NEBL: variants seen among roughly 807,000 people sequenced by gnomAD.
NEBL encodes the protein nebulette.
NEBL carries 122 observed loss-of-function variants against 140.2 expected under a neutral mutation model. The ratio of observed to expected loss-of-function variants is 0.87; its 90% confidence interval spans 0.75 to 1.01. NEBL has a LOEUF of 1.01. Among genes scored for constraint, NEBL ranks in the 50% least tolerant of loss-of-function variants. The probability of loss-of-function intolerance (pLI) is 0.00; values close to 1 mark genes in which losing one functional copy is unlikely to be tolerated. For synonymous variants in NEBL, 436 were observed against 398.9 expected, an observed-to-expected ratio of 1.09 and a Z score of -1.11; for missense variants, 1,365 against 1,231.3, an observed-to-expected ratio of 1.11 and a Z score of -1.62.
At chr10:20,820,126 T>G (rs1407032688) in intron 19 of NEBL, among the ~76,000 whole-genome samples, 2 of 152,216 alleles carry the variant, frequency 1.3e-5, no homozygotes, top group Non-Finnish European at 2.9e-5. Flanking sequence ...AACAAAATCC[T>G]GTACCTGAAC....
chr10:20,981,774 A>T (rs1361886657), intron 3 of NEBL, among the ~76,000 whole-genome samples: 2 of 152,198 alleles, frequency 1.3e-5, no homozygotes. Flanking sequence ...CCTTGCGACC[A>T]TGAGGTAAGC....
intron 3 of NEBL, among the ~76,000 whole-genome samples, chr10:21,207,524 C>T (rs1000557194): frequency 6.6e-6 from 1 of 152,144 alleles, no homozygotes; most frequent in Non-Finnish European, 1.5e-5. Flanking sequence ...CACACACACA[C>T]AGCCTGTTGT....
intron 5 of NEBL, among the ~76,000 whole-genome samples, chr10:20,875,245 T>C (rs1311658177): frequency 6.6e-6 from 1 of 152,204 alleles, no homozygotes; most frequent in Non-Finnish European, 1.5e-5. Flanking sequence ...CCATGTCTTT[T>C]GCATGTTCCC....
chr10:21,022,030 TG>T (rs1010812502), intron 2 of NEBL, among the ~76,000 whole-genome samples: 1 of 152,178 alleles, frequency 6.6e-6, no homozygotes, highest in African/African-American at 2.4e-5. Flanking sequence ...ACTCCCCTGG[TG>T]GTGAGGAGAT....
Position 21,006,767 on chromosome 10 carries a change from G to A in NEBL, c.249+13350C>T, listed in dbSNP as rs1026487443. ...ACAAGAGGATTGGGATATTGTTTAC[G>A]ACATGATTTAATTTTGCCAAGGATA... On this transcript the variant is annotated intron_variant, in intron 3 of 6. Coordinates refer to the NEBL transcript ENST00000417816. Among the ~76,000 whole-genome samples, 4 of 152,168 alleles carry A rather than the reference G, an allele frequency of 2.6e-5. No homozygotes were observed. The East Asian group carries it at 5.8e-4, about 22-fold the overall frequency.
chr10:21,006,015 A>C (rs1046499901), intron 3 of NEBL, among the ~76,000 whole-genome samples: 2 of 152,154 alleles, frequency 1.3e-5, no homozygotes, highest in Non-Finnish European at 1.5e-5. Flanking sequence ...GCAGGCACAC[A>C]CAGAGGGTTT....
intron 3 of NEBL, among the ~76,000 whole-genome samples, chr10:20,980,141 T>C (rs2131661392): frequency 6.6e-6 from 1 of 152,120 alleles, no homozygotes; most frequent in Non-Finnish European, 1.5e-5. Flanking sequence ...TCAATTTAAA[T>C]GGCTTAACTT....
intron 7 of NEBL, among the ~76,000 whole-genome samples, chr10:20,866,031 C>T (rs1026703704): frequency 2.6e-5 from 4 of 152,130 alleles, no homozygotes; most frequent in African/African-American, 9.7e-5. Context: ...GTGTTTTCTT[C>T]ACAATCAATC....
Position 20,839,245 on chromosome 10 carries a change from A to G in NEBL, c.1338+1494T>C, listed in dbSNP as rs539327358. On this transcript the variant is annotated intron_variant, in intron 13 of 27. Coordinates refer to ENST00000377122, the MANE Select transcript of NEBL (RefSeq NM_006393.3). ...CATCTGTCTGTACTTTGCCATTGAG[A>G]GAATAAAACAACTTTTACACATGCT... Among the ~76,000 whole-genome samples, 3 of 152,314 alleles carry G rather than the reference A, an allele frequency of 2.0e-5. No homozygotes were observed. The South Asian group carries it at 6.2e-4, about 32-fold the overall frequency.
chr10:21,113,304 A>AAAAAAAAAAAAAAAAAAC (rs1838128878), intron 2 of NEBL: 28 of 337,062 alleles, frequency 8.3e-5, no homozygotes, highest in South Asian at 7.4e-4. Flanking sequence ...AAAAAAAAAA[A>AAAAAAAAAAAAAAAAAAC]AACCAGGAAA....
intron 9 of NEBL, among the ~76,000 whole-genome samples, chr10:20,857,430 G>A (rs1161342339): frequency 6.6e-6 from 1 of 152,054 alleles, no homozygotes; most frequent in African/African-American, 2.4e-5. Flanking sequence ...ATCTATGCCT[G>A]GCCCAAAGCA....
intron 2 of NEBL, among the ~76,000 whole-genome samples, chr10:21,061,181 CAT>C (rs1339650082): frequency 1.3e-5 from 2 of 150,230 alleles, no homozygotes; most frequent in African/African-American, 4.9e-5. Flanking sequence ...TTATATATAT[CAT>C]ATGATGTATT....
intron 8 of NEBL, among the ~76,000 whole-genome samples, chr10:20,859,018 T>G (rs751231846): frequency 1.1e-4 from 17 of 152,260 alleles, no homozygotes; most frequent in Non-Finnish European, 2.1e-4. Context: ...CTATGTTCCA[T>G]GTTCCTTTAA....
intron 4 of NEBL, among the ~76,000 whole-genome samples, chr10:20,925,375 C>T (rs1356375688): frequency 1.3e-5 from 2 of 152,072 alleles, no homozygotes; most frequent in Admixed American, 1.3e-4. Flanking sequence ...TACTCTGAAA[C>T]AGCAAAAGTT....
exon 1 of NEBL, chr10:21,174,083 T>C: frequency 1.9e-6 from 2 of 1,035,000 alleles, no homozygotes; most frequent in Non-Finnish European, 2.3e-6. Flanking sequence ...TCCGCGCCGC[T>C]GGCTCTGCGT....
intron 7 of NEBL, among the ~76,000 whole-genome samples, chr10:20,860,972 T>A (rs139279276): frequency 3.3e-5 from 5 of 152,332 alleles, no homozygotes; most frequent in Non-Finnish European, 7.3e-5. Flanking sequence ...CTGGTTCCAT[T>A]TGATAATAAA....
chr10:21,108,718 G>T (rs1837832848), intron 2 of NEBL, among the ~76,000 whole-genome samples: 1 of 152,176 alleles, frequency 6.6e-6, no homozygotes, highest in Admixed American at 6.5e-5. Context: ...GGATATCCTT[G>T]TTAACCTTCT....
At chr10:21,275,807 AT>A (rs959684198) in intron 1 of NEBL, among the ~76,000 whole-genome samples, 2,610 of 113,784 alleles carry the variant, frequency 0.023, 19 homozygotes, top group African/African-American at 0.028. Context: ...CACCCAGCTA[AT>A]TTTTTTTTTT....
At chr10:20,870,668 T>C (rs1417737817) in intron 5 of NEBL, among the ~76,000 whole-genome samples, 1 of 152,192 alleles carries the variant, frequency 6.6e-6, no homozygotes, top group African/African-American at 2.4e-5. Context: ...CAAAGGCCCA[T>C]GCCTAGGAGA....
Sources: allele counts gnomAD v4.1 joint callset (sites outside exome capture counted in the v4.1 genomes callset), GRCh38; gene constraint gnomAD v4.1.1; transcripts MANE v1.5; gene names NCBI Gene and HGNC (gene_info 2026-07-23, HGNC 2026-07-21).